EIF3D: variants seen among roughly 807,000 people sequenced by gnomAD.
The protein encoded by EIF3D is eukaryotic translation initiation factor 3 subunit D.
EIF3D carries 10 observed loss-of-function variants against 75.4 expected under a neutral mutation model. That is an observed-to-expected ratio of 0.13 (90% confidence interval 0.08 to 0.22). EIF3D has a LOEUF of 0.22. Among genes scored for constraint, EIF3D ranks in the 10% least tolerant of loss-of-function variants. The pLI is 1.00. For missense variants in EIF3D, 394 were observed against 708.0 expected, an observed-to-expected ratio of 0.56 and a Z score of 5.03; for synonymous variants, 246 against 248.3, an observed-to-expected ratio of 0.99 and a Z score of 0.09.
intron 5 of EIF3D, 77 bp from the exon 6 acceptor site, chr22:36,523,358 C>T (rs1476344033): frequency 1.7e-6 from 2 of 1,159,558 alleles, no homozygotes; most frequent in Non-Finnish European, 2.5e-6. Flanking sequence ...CTGCCATTCT[C>T]TTCAGCTAAA....
chr22:36,511,382 T>C, intron 14 of EIF3D, 121 bp downstream of exon 14: 2 of 1,522,782 alleles, frequency 1.3e-6, no homozygotes, highest in Non-Finnish European at 1.8e-6. Context: ...TGCTTCTTCA[T>C]ACTTAAGTCT....
Position 36,517,375 on chromosome 22 carries a change from A to G in EIF3D, c.916T>C (p.Phe306Leu). Reference sequence around the variant, plus strand: ...ATGGCCAGGTTGCGGGGTGAATTGAAGGAATTACCTTCATCTTGAGGGGGC... The same window carrying G: ...ATGGCCAGGTTGCGGGGTGAATTGAGGGAATTACCTTCATCTTGAGGGGGC... ...NEPPQDEGNSFNSPRNLAMEA... is the reference protein window; with the variant it reads ...NEPPQDEGNSLNSPRNLAMEA... Residue 306 changes from phenylalanine to leucine, a missense_variant, in exon 10 of 15, where the codon TTC becomes CTC. Coordinates refer to ENST00000216190, the MANE Select transcript of EIF3D (RefSeq NM_003753.4). The G allele has an allele frequency of 1.2e-6, 2 of 1,613,962 alleles. No homozygotes were observed. Among genetic ancestry groups the G allele is most frequent in the Non-Finnish European group, 1.7e-6 (2 of 1,179,918 alleles).
chr22:36,520,883 G>C (rs1302769238), intron 6 of EIF3D, among the ~76,000 whole-genome samples, 195 bp from the exon 7 acceptor site: 3 of 152,078 alleles, frequency 2.0e-5, no homozygotes, highest in Non-Finnish European at 2.9e-5. Context: ...TTGCACTACT[G>C]CACTCCAGCC....
intron 8 of EIF3D, 122 bp from the exon 9 acceptor site, chr22:36,519,032 A>G (rs545627568): frequency 1.2e-5 from 16 of 1,331,956 alleles, no homozygotes; most frequent in East Asian, 2.5e-5. Context: ...GCCCCACCTC[A>G]TTGACCAAAA....
At chr22:36,523,029 AG>A (rs1447870349) in intron 6 of EIF3D, 179 bp downstream of exon 6, 1 of 577,816 alleles carries the variant, frequency 1.7e-6, no homozygotes, top group African/African-American at 1.9e-5. Flanking sequence ...CTAAAGGGTA[AG>A]GGATTCTTTT....
chr22:36,512,224 C>T (rs576102706), intron 13 of EIF3D, among the ~76,000 whole-genome samples: 9 of 152,266 alleles, frequency 5.9e-5, no homozygotes, highest in African/African-American at 9.6e-5. Context: ...GGGAAAACAT[C>T]GTCTTCTGAG....
intron 12 of EIF3D, 116 bp downstream of exon 12, chr22:36,516,362 T>C: frequency 7.7e-7 from 1 of 1,304,586 alleles, no homozygotes; most frequent in Non-Finnish European, 1.1e-6. Flanking sequence ...TCCAGGTAGC[T>C]CTATAAGTAA....
At chr22:36,527,020 T>G (rs1265280882) in intron 1 of EIF3D, 1 of 152,224 alleles carries the variant, frequency 6.6e-6, no homozygotes, top group Non-Finnish European at 1.5e-5. Context: ...GATCTTTAAG[T>G]ATATCCTGAA....
Position 36,520,646 on chromosome 22 carries a change from C to T in EIF3D, c.508G>A (p.Val170Met), listed in dbSNP as rs569491972. ...TGAGGAAAATCCATTTCCTCTTTCACTTCCCAATCACTACGAACTTCAACT... is the reference window on the plus strand; with the variant it reads ...TGAGGAAAATCCATTTCCTCTTTCATTTCCCAATCACTACGAACTTCAACT... Reference protein sequence around the residue: ...SSVEVRSDWEVKEEMDFPQLM... With the variant: ...SSVEVRSDWEMKEEMDFPQLM... The change falls in exon 7 of 15, where the codon GTG (valine) becomes ATG (methionine). Residue 170 changes from valine to methionine, a missense_variant. Val to Met is a conservative substitution (Grantham distance 21). Transcript: ENST00000216190. 3 of 1,613,570 alleles carry T rather than the reference C, an allele frequency of 1.9e-6. No individual in the cohort carries two copies. The highest frequency in any genetic ancestry group is 2.5e-6 in the Non-Finnish European group (3 of 1,179,556).
chr22:36,523,291 C>G lies in EIF3D; in HGVS notation c.393-10G>C, dbSNP rs371251229. 22 of 1,610,862 alleles carry G rather than the reference C, an allele frequency of 1.4e-5. No individual in the cohort carries two copies. The highest frequency in any genetic ancestry group is 2.7e-5 in the African/African-American group (2 of 74,840). Reference sequence around the variant, plus strand: ...CAGTCGAATGCGTTCTCTGGAAAGACAGACATATGATCTCAGTGCAGACCT... The same window carrying G: ...CAGTCGAATGCGTTCTCTGGAAAGAGAGACATATGATCTCAGTGCAGACCT... On this transcript the variant is annotated splice_polypyrimidine_tract_variant and intron_variant, in intron 5 of 14. Coordinates refer to ENST00000216190, the MANE Select transcript of EIF3D (RefSeq NM_003753.4).
intron 12 of EIF3D, among the ~76,000 whole-genome samples, chr22:36,515,208 T>A (rs1020460598): frequency 6.6e-6 from 1 of 152,232 alleles, no homozygotes; most frequent in East Asian, 1.9e-4. Context: ...ACTGGACTTC[T>A]AACCTACAAA....
chr22:36,511,621 T>C lies in EIF3D; in HGVS notation c.1515A>G (p.Lys505=), dbSNP rs1934338528. The change falls in exon 14 of 15, where the codon AAA becomes AAG. Residue 505 remains lysine, a synonymous_variant. Coordinates refer to ENST00000216190, the MANE Select transcript of EIF3D (RefSeq NM_003753.4). ...IDICMKLEEG[K]YLILKDPNKQ... is the part of the protein sequence containing the mutation. ...TGTTGGGGTCCTTGAGGATGAGGTA[T>C]TTGCCCTCCTCCAGCTTCATGCAGA... is the stretch of plus-strand genomic sequence containing the variant. 6.2e-7 allele frequency: 1 copy of C among 1,614,094 alleles called. No homozygotes were observed. Among genetic ancestry groups the C allele is most frequent in the African/African-American group, 1.3e-5 (1 of 75,022 alleles).
At chr22:36,528,871 G>A (rs1344287457) in intron 1 of EIF3D, 1 of 165,834 alleles carries the variant, frequency 6.0e-6, no homozygotes, top group African/African-American at 2.4e-5. Flanking sequence ...CGAGGGCCAA[G>A]GACCTCACCC....
intron 9 of EIF3D, chr22:36,517,634 AC>A: frequency 8.1e-6 from 4 of 492,280 alleles, no homozygotes; most frequent in Non-Finnish European, 1.4e-5. Flanking sequence ...ATACTGTCCA[AC>A]ATTCAATTCA....
intron 4 of EIF3D, 117 bp from the exon 5 acceptor site, chr22:36,524,097 T>C (rs776354644): frequency 2.1e-4 from 216 of 1,017,132 alleles, no homozygotes; most frequent in Non-Finnish European, 3.2e-4. Flanking sequence ...GTTTCACATC[T>C]TACTCTGTGC....
Position 36,523,988 on chromosome 22 carries a change from T to C in EIF3D, c.307-8A>G. 1.2e-6 allele frequency: 2 copies of C among 1,614,054 alleles called. No homozygotes were observed. Among genetic ancestry groups the C allele is most frequent in the Non-Finnish European group, 1.7e-6 (2 of 1,179,958 alleles). ...GTCTCTGCGGAGGTTCCTCTGGGCATCAGCAAGAAACATCCATGTTAAAAT... is the reference window on the plus strand; with the variant it reads ...GTCTCTGCGGAGGTTCCTCTGGGCACCAGCAAGAAACATCCATGTTAAAAT... On this transcript the variant is annotated splice_polypyrimidine_tract_variant and splice_region_variant and intron_variant, in intron 4 of 14. Coordinates refer to ENST00000216190, the MANE Select transcript of EIF3D (RefSeq NM_003753.4).
chr22:36,517,221 G>C (rs544627414), intron 10 of EIF3D, 80 bp downstream of exon 10: 50 of 1,596,138 alleles, frequency 3.1e-5, no homozygotes, highest in Admixed American at 2.9e-4. Flanking sequence ...ACAACCAAGA[G>C]CCTAGCACAA....
In EIF3D at chr22:36,517,363, G is replaced by A. The variant is rs745920273; in HGVS notation, c.928C>T (p.Arg310Cys). 9 of 1,613,986 alleles carry A rather than the reference G, an allele frequency of 5.6e-6. No homozygotes were observed. Among genetic ancestry groups the A allele is most frequent in the Non-Finnish European group, 7.6e-6 (9 of 1,179,920 alleles). Reference protein sequence around the residue: ...QDEGNSFNSPRNLAMEATYIN... With the variant: ...QDEGNSFNSPCNLAMEATYIN... Reference sequence around the variant, plus strand: ...TAGGTTGCCTCCATGGCCAGGTTGCGGGGTGAATTGAAGGAATTACCTTCA... The same window carrying A: ...TAGGTTGCCTCCATGGCCAGGTTGCAGGGTGAATTGAAGGAATTACCTTCA... Residue 310 changes from arginine (R) to cysteine (C), a missense_variant, in exon 10 of 15, where the codon CGC becomes TGC. Transcript: ENST00000216190.
intron 12 of EIF3D, among the ~76,000 whole-genome samples, chr22:36,515,348 G>A (rs924070077): frequency 1.3e-5 from 2 of 152,138 alleles, no homozygotes; most frequent in Non-Finnish European, 2.9e-5. Context: ...GACCAACATG[G>A]AGAAACCCCA....
Sources: gnomAD v4.1 joint callset for allele counts (sites outside exome capture counted in the v4.1 genomes callset) on GRCh38, gnomAD v4.1.1 for gene constraint, MANE v1.5 for transcripts, NCBI Gene and HGNC (gene_info 2026-07-23, HGNC 2026-07-21) for gene names.